Variants in PPP2R2B observed in about 807,000 individuals in gnomAD.
The protein encoded by PPP2R2B is serine/threonine-protein phosphatase 2A 55 kDa regulatory subunit B beta isoform.
A neutral mutation model predicts 46.0 loss-of-function variants in PPP2R2B; 5 were observed. The ratio of observed to expected loss-of-function variants is 0.11; its 90% confidence interval spans 0.06 to 0.23. The LOEUF is 0.23. PPP2R2B is among the 10% of genes least tolerant of loss of function. PPP2R2B has a pLI of 1.00. For missense variants in PPP2R2B, 367 were observed against 575.0 expected, an observed-to-expected ratio of 0.64 and a Z score of 3.70; for synonymous variants, 215 against 206.7, an observed-to-expected ratio of 1.04 and a Z score of -0.34.
intron 1 of PPP2R2B, among the ~76,000 whole-genome samples, chr5:146,889,568 A>G (rs1279770325): frequency 6.6e-6 from 1 of 152,194 alleles, no homozygotes; most frequent in Non-Finnish European, 1.5e-5. Context: ...CATGAGGTCA[A>G]TGGCAGGAGG....
chr5:146,619,302 T>TAAAA (rs34725004), intron 7 of PPP2R2B, among the ~76,000 whole-genome samples: 56 of 112,870 alleles, frequency 5.0e-4, no homozygotes, highest in African/African-American at 1.4e-3. Context: ...CCGTCTCTAC[T>TAAAA]AAAAAAAAAA....
At chr5:146,597,352 G>A (rs1407421908) in intron 8 of PPP2R2B, among the ~76,000 whole-genome samples, 1 of 152,020 alleles carries the variant, frequency 6.6e-6, no homozygotes, top group East Asian at 1.9e-4. Context: ...TATCCCTGTT[G>A]CTGTTGTTAC....
At chr5:147,077,592 T>C (rs1431912458) in intron 2 of PPP2R2B, among the ~76,000 whole-genome samples, 2 of 152,278 alleles carry the variant, frequency 1.3e-5, no homozygotes, top group South Asian at 4.1e-4. Flanking sequence ...TAGTAGCAAG[T>C]GAAAGTCATT....
chr5:146,681,116 T>C (rs1400720514), intron 5 of PPP2R2B, among the ~76,000 whole-genome samples: 2 of 152,218 alleles, frequency 1.3e-5, no homozygotes, highest in Non-Finnish European at 2.9e-5. Flanking sequence ...AAAGTGATCA[T>C]GTCCTCTATT....
At chr5:146,965,917 G>A (rs1752380610) in intron 1 of PPP2R2B, among the ~76,000 whole-genome samples, 1 of 152,172 alleles carries the variant, frequency 6.6e-6, no homozygotes. Flanking sequence ...CATCTATAAA[G>A]TGGGAATCGT....
intron 2 of PPP2R2B, among the ~76,000 whole-genome samples, chr5:147,068,992 C>T (rs1349147332): frequency 6.6e-6 from 1 of 152,056 alleles, no homozygotes; most frequent in Non-Finnish European, 1.5e-5. Context: ...ACAGCTAATA[C>T]AATTATGGAA....
chr5:146,596,425 T>C (rs1581673316), intron 8 of PPP2R2B, among the ~76,000 whole-genome samples: 1 of 148,920 alleles, frequency 6.7e-6, no homozygotes, highest in East Asian at 1.9e-4. Context: ...ACTAATTTCT[T>C]TCCCACTGGA....
In PPP2R2B at chr5:147,021,553, G is replaced by A. The variant is rs192572569; in HGVS notation, c.79+34112C>T. On this transcript the variant is annotated intron_variant, in intron 1 of 8. Transcript: ENST00000336640. ...AACTATGAGAACCACCCCAAACTGA[G>A]AGAGCTTCCATGTGAGATGTTGAAG... 3.5e-3 allele frequency among the ~76,000 whole-genome samples: 532 copies of A among 152,270 alleles called. 3 individuals are homozygous for A. The highest frequency in any genetic ancestry group is 0.01 in the Middle Eastern group (3 of 294).
At chr5:146,793,424 G>A (rs554205844) in intron 2 of PPP2R2B, among the ~76,000 whole-genome samples, 1 of 152,316 alleles carries the variant, frequency 6.6e-6, no homozygotes, top group African/African-American at 2.4e-5. Context: ...CAAGTCACAA[G>A]AGTAGATGAA....
chr5:146,914,706 C>G (rs1284751351), intron 1 of PPP2R2B, among the ~76,000 whole-genome samples: 1 of 152,130 alleles, frequency 6.6e-6, no homozygotes, highest in Non-Finnish European at 1.5e-5. Flanking sequence ...GAATAAAGGT[C>G]ATATGTTGAT....
intron 5 of PPP2R2B, among the ~76,000 whole-genome samples, chr5:146,673,303 AAAGT>A (rs2307630): frequency 0.71 from 107,854 of 151,744 alleles, 41,482 homozygotes; most frequent in Non-Finnish European, 0.86. Flanking sequence ...AAATTTCTGT[AAAGT>A]AAGTACAAAT....
At chr5:146,919,500 G>T (rs1051512610) in intron 1 of PPP2R2B, 1 of 152,216 alleles carries the variant, frequency 6.6e-6, no homozygotes, top group African/African-American at 2.4e-5. Context: ...AAAAGAGAAA[G>T]TGAGTTTCTC....
chr5:146,801,410 A>T (rs1756857417), intron 2 of PPP2R2B, among the ~76,000 whole-genome samples: 1 of 152,250 alleles, frequency 6.6e-6, no homozygotes, highest in South Asian at 2.1e-4. Flanking sequence ...TTTATGACAC[A>T]TACATCAAAT....
chr5:146,809,703 T>C (rs1757408471), intron 2 of PPP2R2B, among the ~76,000 whole-genome samples: 1 of 152,186 alleles, frequency 6.6e-6, no homozygotes, highest in South Asian at 2.1e-4. Flanking sequence ...GTAAGGCGTT[T>C]GCTACTAAGA....
At chr5:146,817,453 AC>A (rs1303163205) in intron 2 of PPP2R2B, among the ~76,000 whole-genome samples, 1 of 152,236 alleles carries the variant, frequency 6.6e-6, no homozygotes, top group Non-Finnish European at 1.5e-5. Context: ...TTTATAGTGT[AC>A]AGTGTGATCT....
At chr5:146,635,730 G>A (rs980901688) in intron 7 of PPP2R2B, among the ~76,000 whole-genome samples, 4 of 152,220 alleles carry the variant, frequency 2.6e-5, no homozygotes, top group African/African-American at 7.2e-5. Context: ...CTCTGGGAGA[G>A]AGTTAGAGAC....
intron 7 of PPP2R2B, among the ~76,000 whole-genome samples, chr5:146,605,976 C>T (rs1050718106): frequency 6.6e-6 from 1 of 152,130 alleles, no homozygotes; most frequent in African/African-American, 2.4e-5. Flanking sequence ...TGGGAGCCCC[C>T]TGAAAGGGCT....
intron 2 of PPP2R2B, among the ~76,000 whole-genome samples, chr5:146,847,537 G>A (rs1351605913): frequency 6.6e-6 from 1 of 152,196 alleles, no homozygotes; most frequent in Non-Finnish European, 1.5e-5. Context: ...GCAAGGGAAA[G>A]CATCTCCTGG....
chr5:146,734,056 GTT>G (rs201448902), intron 2 of PPP2R2B, among the ~76,000 whole-genome samples: 24,463 of 142,488 alleles, frequency 0.17, 2,861 homozygotes, highest in East Asian at 0.41. Context: ...AATGAGTTAG[GTT>G]TTTTTTTTTT....
Sources: allele counts gnomAD v4.1 joint callset (sites outside exome capture counted in the v4.1 genomes callset), GRCh38; gene constraint gnomAD v4.1.1; transcripts MANE v1.5; gene names NCBI Gene and HGNC (gene_info 2026-07-23, HGNC 2026-07-21).